Variants in NAALADL2 observed in about 807,000 individuals in gnomAD.
The protein encoded by NAALADL2 is N-acetylated alpha-linked acidic dipeptidase like 2.
A neutral mutation model predicts 87.2 loss-of-function variants in NAALADL2; 76 were observed. That is an observed-to-expected ratio of 0.87 (90% confidence interval 0.72 to 1.05). NAALADL2 has a LOEUF of 1.05. Among genes scored for constraint, NAALADL2 ranks in the 50% least tolerant of loss-of-function variants. NAALADL2 has a pLI of 0.00. For missense variants in NAALADL2, 1,089 were observed against 945.8 expected (o/e 1.15, Z -1.99); for synonymous variants, 354 against 331.0 (o/e 1.07, Z -0.75).
intron 4 of NAALADL2, among the ~76,000 whole-genome samples, chr3:175,323,960 G>A (rs1178212379): frequency 1.3e-5 from 2 of 148,240 alleles, no homozygotes; most frequent in Non-Finnish European, 3.0e-5. Context: ...GGAGGTTGCA[G>A]TGAGCTGAGA....
chr3:174,514,756 C>A (rs1201952966), intron 1 of NAALADL2, among the ~76,000 whole-genome samples: 2 of 151,974 alleles, frequency 1.3e-5, no homozygotes, highest in East Asian at 3.9e-4. Context: ...TTATTATCAA[C>A]CTCTGGAGAG....
chr3:174,574,753 T>C (rs1715340901), intron 2 of NAALADL2, among the ~76,000 whole-genome samples: 1 of 152,144 alleles, frequency 6.6e-6, no homozygotes, highest in African/African-American at 2.4e-5. Flanking sequence ...TGGTCTCTTC[T>C]AGAATTCAAA....
chr3:174,658,282 G>A (rs981701810), intron 2 of NAALADL2, among the ~76,000 whole-genome samples: 23 of 152,202 alleles, frequency 1.5e-4, no homozygotes, highest in Admixed American at 4.6e-4. Flanking sequence ...CCAGCATTTG[G>A]TGATGCCAGT....
At chr3:174,569,019 T>C (rs1714616222) in intron 2 of NAALADL2, among the ~76,000 whole-genome samples, 2 of 151,622 alleles carry the variant, frequency 1.3e-5, no homozygotes, top group African/African-American at 2.4e-5. Flanking sequence ...TCAATATATA[T>C]ATGATTATAT....
chr3:175,183,464 T>C (rs1736895862), intron 2 of NAALADL2, among the ~76,000 whole-genome samples: 1 of 152,054 alleles, frequency 6.6e-6, no homozygotes, highest in African/African-American at 2.4e-5. Context: ...ATAATGTTAG[T>C]TGTGGGCTTG....
At chr3:174,857,126 T>C (rs892500185), upstream of NAALADL2, among the ~76,000 whole-genome samples, 2 of 152,102 alleles carry the variant, frequency 1.3e-5, no homozygotes, top group Non-Finnish European at 2.9e-5. Flanking sequence ...TCAGACTGAA[T>C]TCAACAAGAA....
intron 2 of NAALADL2, among the ~76,000 whole-genome samples, chr3:175,116,365 G>A (rs1725165524): frequency 6.6e-6 from 1 of 152,026 alleles, no homozygotes; most frequent in Non-Finnish European, 1.5e-5. Flanking sequence ...TCCTTATGCT[G>A]ATAAGCAAAT....
At chr3:175,533,056 G>A (rs557532943) in intron 9 of NAALADL2, among the ~76,000 whole-genome samples, 12 of 152,210 alleles carry the variant, frequency 7.9e-5, no homozygotes, top group South Asian at 4.1e-4. Flanking sequence ...TTTTTAAACC[G>A]TATTCCAACT....
intron 1 of NAALADL2, among the ~76,000 whole-genome samples, chr3:174,469,909 A>AT (rs539021827): frequency 0.012 from 1,770 of 151,832 alleles, 19 homozygotes; most frequent in Non-Finnish European, 0.018. Flanking sequence ...ATGAACCACT[A>AT]TTTTTTTTAC....
intron 11 of NAALADL2, among the ~76,000 whole-genome samples, chr3:175,678,946 AAG>A (rs1735218185): frequency 6.6e-6 from 1 of 152,090 alleles, no homozygotes; most frequent in Non-Finnish European, 1.5e-5. Flanking sequence ...TGAGTCCAAA[AAG>A]AGAGTCAGCA....
At chr3:175,625,683 C>A (rs1560872540) in intron 10 of NAALADL2, among the ~76,000 whole-genome samples, 1 of 151,882 alleles carries the variant, frequency 6.6e-6, no homozygotes, top group Non-Finnish European at 1.5e-5. Flanking sequence ...AAAGTGTCGG[C>A]CGTAGCCTCA....
chr3:175,033,533 CA>C (rs1315803458), intron 1 of NAALADL2, among the ~76,000 whole-genome samples: 1 of 152,118 alleles, frequency 6.6e-6, no homozygotes, highest in Non-Finnish European at 1.5e-5. Flanking sequence ...TTCCTTTTGT[CA>C]AGGTTATCAG....
chr3:175,698,403 GTATT>G (rs1319114322), intron 11 of NAALADL2, among the ~76,000 whole-genome samples: 1 of 74,250 alleles, frequency 1.3e-5, no homozygotes, highest in Admixed American at 1.2e-4. Flanking sequence ...ATATGTATGT[GTATT>G]TATGTATGTA....
chr3:175,240,003 G>C (rs1746557318), intron 3 of NAALADL2, among the ~76,000 whole-genome samples: 1 of 152,108 alleles, frequency 6.6e-6, no homozygotes, highest in South Asian at 2.1e-4. Flanking sequence ...AATATATCAA[G>C]ATTTGAAAGA....
At chr3:175,802,197 A>G (rs1272112785) in intron 13 of NAALADL2, among the ~76,000 whole-genome samples, 1 of 152,090 alleles carries the variant, frequency 6.6e-6, no homozygotes, top group Admixed American at 6.6e-5. Context: ...TGATACCATT[A>G]TCACATCTAA....
chr3:175,179,068 G>T (rs187851257), intron 2 of NAALADL2, among the ~76,000 whole-genome samples: 436 of 152,004 alleles, frequency 2.9e-3, no homozygotes, highest in Middle Eastern at 6.8e-3. Flanking sequence ...TCACTCTCTA[G>T]GAATTATTTT....
chr3:175,009,711 A>C (rs139564068), intron 1 of NAALADL2, among the ~76,000 whole-genome samples: 19 of 152,240 alleles, frequency 1.2e-4, no homozygotes, highest in African/African-American at 4.6e-4. Flanking sequence ...TTGGACCCTC[A>C]CTGGATAGTC....
chr3:175,096,977 A>G lies in NAALADL2; in HGVS notation c.231A>G (p.Ser77=). 1.2e-6 allele frequency: 2 copies of G among 1,613,460 alleles called. No individual in the cohort carries two copies. The highest frequency in any genetic ancestry group is 1.7e-6 in the Non-Finnish European group (2 of 1,179,640). ...DGAENQNLGH[S]ETIDLNLDSI... ...CTGAGAATCAGAACCTAGGGCATTC[A>G]GAGACTATAGACCTCAATCTTGATT... Residue 77 remains serine (S), a synonymous_variant, in exon 2 of 14, where the codon TCA becomes TCG. Coordinates refer to ENST00000454872, the MANE Select transcript of NAALADL2 (RefSeq NM_207015.3).
chr3:174,602,519 T>C (rs1232526311), intron 2 of NAALADL2, among the ~76,000 whole-genome samples: 1 of 151,418 alleles, frequency 6.6e-6, no homozygotes, highest in Non-Finnish European at 1.5e-5. Context: ...TTGTGGAGTC[T>C]GTAGGTTTTT....
Sources: gnomAD v4.1 joint callset for allele counts (sites outside exome capture counted in the v4.1 genomes callset) on GRCh38, gnomAD v4.1.1 for gene constraint, MANE v1.5 for transcripts, NCBI Gene and HGNC (gene_info 2026-07-23, HGNC 2026-07-21) for gene names.